The following KLHL18 variants were observed in gnomAD, a reference collection of about 807,000 sequenced individuals.
The protein encoded by KLHL18 is kelch like family member 18.
KLHL18 carries 38 observed loss-of-function variants against 58.5 expected under a neutral mutation model. That is an observed-to-expected ratio of 0.65 (90% confidence interval 0.50 to 0.85). KLHL18 has a LOEUF of 0.85. Among genes scored for constraint, KLHL18 ranks in the 40% least tolerant of loss-of-function variants. KLHL18 has a pLI of 0.00. For synonymous variants in KLHL18, 303 were observed against 301.9 expected (o/e 1.00, Z -0.04); for missense variants, 624 against 778.4 (o/e 0.80, Z 2.36).
intron 1 of KLHL18, among the ~76,000 whole-genome samples, chr3:47,311,982 T>A (rs902072472): frequency 6.6e-6 from 1 of 152,258 alleles, no homozygotes; most frequent in African/African-American, 2.4e-5. Context: ...GCATGAATGC[T>A]GAGTCTTTGC....
At chr3:47,290,706 C>G (rs904831424) in intron 1 of KLHL18, among the ~76,000 whole-genome samples, 1 of 152,182 alleles carries the variant, frequency 6.6e-6, no homozygotes, top group Non-Finnish European at 1.5e-5. Context: ...AAGCGATCCT[C>G]CTGCTTCCAC....
At chr3:47,285,525 T>C (rs1702656195) in intron 1 of KLHL18, among the ~76,000 whole-genome samples, 1 of 150,698 alleles carries the variant, frequency 6.6e-6, no homozygotes. Flanking sequence ...GAGACCAGCC[T>C]GGGCAACATG....
At chr3:47,340,809 T>C (rs1704093943) in intron 8 of KLHL18, 133 bp downstream of exon 8, 4 of 840,716 alleles carry the variant, frequency 4.8e-6, no homozygotes, top group Non-Finnish European at 7.3e-6. Flanking sequence ...TAGTACTTTG[T>C]ATATACTAGA....
chr3:47,317,314 A>G (rs901284973), intron 1 of KLHL18, among the ~76,000 whole-genome samples: 2 of 152,116 alleles, frequency 1.3e-5, no homozygotes, highest in African/African-American at 2.4e-5. Context: ...GGGTTTCACC[A>G]TGTTGGCCAG....
chr3:47,341,899 A>T (rs1397781833), intron 8 of KLHL18, among the ~76,000 whole-genome samples: 24 of 42,468 alleles, frequency 5.7e-4, no homozygotes, highest in Non-Finnish European at 1.1e-3. Flanking sequence ...TCTCTTTTAA[A>T]AAAAAAAAAA....
intron 3 of KLHL18, among the ~76,000 whole-genome samples, chr3:47,327,371 A>G (rs1376878930): frequency 6.6e-6 from 1 of 152,250 alleles, no homozygotes; most frequent in Non-Finnish European, 1.5e-5. Flanking sequence ...GCCAATGGCT[A>G]CGTTGATCAT....
rs1702912528 is a variant in KLHL18, at chr3:47,297,095, A to G, written c.129+14001A>G. Among the ~76,000 whole-genome samples, 3 of 152,252 alleles carry G rather than the reference A, an allele frequency of 2.0e-5. No homozygotes were observed. The South Asian group carries it at 6.2e-4, about 32-fold the overall frequency. On this transcript the variant is annotated intron_variant, in intron 1 of 9. Coordinates refer to ENST00000232766, the MANE Select transcript of KLHL18 (RefSeq NM_025010.5). ...GGACTGGAGCCCCAAGTCCTTTTTTAGTGTCAGCTGGTCAGCTACTTCCTT... is the reference window on the plus strand; with the variant it reads ...GGACTGGAGCCCCAAGTCCTTTTTTGGTGTCAGCTGGTCAGCTACTTCCTT...
intron 1 of KLHL18, among the ~76,000 whole-genome samples, chr3:47,310,591 C>G (rs1703274779): frequency 6.6e-6 from 1 of 152,228 alleles, no homozygotes; most frequent in African/African-American, 2.4e-5. Flanking sequence ...TCTACATAGT[C>G]TCTGTTTAGA....
intron 1 of KLHL18, among the ~76,000 whole-genome samples, chr3:47,317,236 T>C (rs1703475991): frequency 1.3e-5 from 2 of 151,964 alleles, no homozygotes. Context: ...CCTCAGCACC[T>C]CGGGTAGCTG....
In KLHL18 at chr3:47,333,188, A is replaced by T; in HGVS notation, c.632A>T (p.Tyr211Phe). 1.2e-6 allele frequency: 2 copies of T among 1,614,068 alleles called. No homozygotes were observed. Among genetic ancestry groups the T allele is most frequent in the South Asian group, 2.2e-5 (2 of 91,076 alleles). The stretch of plus-strand genomic sequence containing the variant: ...GAAGCTGCATTGGCCTGGGTCAGAT[A>T]CGACCGGGAGCAGAGGGGTCCCTAC... ...VFEAALAWVRYDREQRGPYLP... is the reference protein window; with the variant it reads ...VFEAALAWVRFDREQRGPYLP... The change falls in exon 5 of 10, where the codon TAC becomes TTC. Residue 211 changes from tyrosine to phenylalanine, a missense_variant. Physicochemically the swap from Tyr to Phe is conservative, Grantham distance 22. Coordinates refer to ENST00000232766, the MANE Select transcript of KLHL18 (RefSeq NM_025010.5).
intron 3 of KLHL18, 56 bp from the exon 4 acceptor site, chr3:47,329,895 A>G (rs1703813612): frequency 6.7e-7 from 1 of 1,487,886 alleles, no homozygotes; most frequent in Non-Finnish European, 9.3e-7. Flanking sequence ...CCTGAGAATG[A>G]TCAAAGATAA....
At position 47,336,570 on chromosome 3, in the gene KLHL18, A is replaced by C. The variant is rs567413824; in HGVS notation, c.934A>C (p.Ile312Leu). Residue 312 changes from isoleucine (I) to leucine (L), a missense_variant, in exon 7 of 10, where the codon ATT becomes CTT. Coordinates refer to ENST00000232766, the MANE Select transcript of KLHL18 (RefSeq NM_025010.5). ...GAATGTGGTGGAAGTGTTCGACCCC[A>C]TTGCCAATTGCTGGGAGAGATGCCG... Reference protein sequence around the residue: ...SLNVVEVFDPIANCWERCRPM... With the variant: ...SLNVVEVFDPLANCWERCRPM... 1 of 1,614,210 alleles carries C rather than the reference A, an allele frequency of 6.2e-7. No individual in the cohort carries two copies.
chr3:47,309,475 C>T (rs1356093171), intron 1 of KLHL18, among the ~76,000 whole-genome samples: 1 of 151,406 alleles, frequency 6.6e-6, no homozygotes, highest in South Asian at 2.1e-4. Context: ...GGCAGAGGCG[C>T]TCCCCACAGC....
intron 6 of KLHL18, among the ~76,000 whole-genome samples, chr3:47,335,738 C>T (rs1231994051): frequency 6.6e-6 from 1 of 152,054 alleles, no homozygotes; most frequent in East Asian, 1.9e-4. Context: ...GAGTTCCTGA[C>T]CTCAAGTGAT....
At chr3:47,329,732 GCA>G (rs1250661748) in intron 3 of KLHL18, among the ~76,000 whole-genome samples, 1 of 152,044 alleles carries the variant, frequency 6.6e-6, no homozygotes, top group African/African-American at 2.4e-5. Flanking sequence ...TCCACCTGAC[GCA>G]CAGAGCACCA....
intron 2 of KLHL18, among the ~76,000 whole-genome samples, chr3:47,321,990 G>C (rs923854768): frequency 1.3e-5 from 2 of 152,174 alleles, no homozygotes; most frequent in African/African-American, 4.8e-5. Context: ...AGAGGGACCA[G>C]AGCACATACA....
chr3:47,333,236 T>C lies in KLHL18; in HGVS notation c.680T>C (p.Ile227Thr), dbSNP rs1373631599. 1 of 1,614,084 alleles carries C rather than the reference T, an allele frequency of 6.2e-7. No individual in the cohort carries two copies. Among genetic ancestry groups the C allele is most frequent in the Non-Finnish European group, 8.5e-7 (1 of 1,180,032 alleles). The stretch of plus-strand genomic sequence containing the variant: ...TACCTGCCTGAGCTGCTGTCCAATA[T>C]CCGCCTGCCCCTCTGTCGGCCCCAG... The part of the protein sequence containing the change: ...GPYLPELLSN[I>T]RLPLCRPQFL... Residue 227 changes from isoleucine (I) to threonine (T), a missense_variant, in exon 5 of 10, where the codon ATC (isoleucine) becomes ACC (threonine). Ile to Thr is a moderately conservative substitution (Grantham distance 89, BLOSUM62 -1). Transcript: ENST00000232766.
At chr3:47,286,412 G>T (rs1016391010) in intron 1 of KLHL18, among the ~76,000 whole-genome samples, 4 of 152,126 alleles carry the variant, frequency 2.6e-5, no homozygotes, top group Non-Finnish European at 4.4e-5. Flanking sequence ...CAGTTTTCTG[G>T]TGACTCCACA....
In KLHL18 at chr3:47,319,662, C is replaced by G; in HGVS notation, c.139C>G (p.His47Asp). ...LCDVTLKIGDHKFSAHRIVLA... is the reference protein window; with the variant it reads ...LCDVTLKIGDDKFSAHRIVLA... ...TTTACTTTGCCCACAGATTGGGGAC[C>G]ACAAATTCAGTGCCCACCGGATTGT... The change falls in exon 2 of 10, where the codon CAC becomes GAC. Residue 47 changes from histidine (H) to aspartate (D), a missense_variant. Coordinates refer to ENST00000232766, the MANE Select transcript of KLHL18 (RefSeq NM_025010.5). 1 of 1,613,608 alleles carries G rather than the reference C, an allele frequency of 6.2e-7. No individual in the cohort carries two copies. The highest frequency in any genetic ancestry group is 8.5e-7 in the Non-Finnish European group (1 of 1,179,734).
Sources: gnomAD v4.1 joint callset for allele counts (sites outside exome capture counted in the v4.1 genomes callset) on GRCh38, gnomAD v4.1.1 for gene constraint, MANE v1.5 for transcripts, NCBI Gene and HGNC (gene_info 2026-07-23, HGNC 2026-07-21) for gene names.